Variants in OVCH1 observed in about 807,000 individuals in gnomAD.
The protein encoded by OVCH1 is ovochymase 1, also known as ovochymase-1.
OVCH1 carries 139 observed loss-of-function variants against 138.4 expected under a neutral mutation model. The observed-to-expected ratio is 1.00, with a 90% confidence interval of 0.87 to 1.16. The LOEUF (loss-of-function observed/expected upper bound fraction) is 1.16. Among genes scored for constraint, OVCH1 ranks in the 50% most tolerant of loss-of-function variants. OVCH1 has a pLI of 0.00. For synonymous variants in OVCH1, 453 were observed against 467.8 expected, an observed-to-expected ratio of 0.97 and a Z score of 0.41; for missense variants, 1,367 against 1,357.9, an observed-to-expected ratio of 1.01 and a Z score of -0.11.
chr12:29,495,484 A>G (rs1943390179), intron 3 of OVCH1, 27 bp from the exon 4 acceptor site: 3 of 1,600,894 alleles, frequency 1.9e-6, no homozygotes, highest in Non-Finnish European at 2.6e-6. Flanking sequence ...ATGTTTCATA[A>G]GTAGTTGTTT....
At chr12:29,441,400 G>A (rs1592041957) in intron 25 of OVCH1, among the ~76,000 whole-genome samples, 1 of 152,148 alleles carries the variant, frequency 6.6e-6, no homozygotes, top group African/African-American at 2.4e-5. Context: ...ATGGTGCTGG[G>A]AAAACTGGCT....
chr12:29,443,710 G>T (rs1445713692), intron 24 of OVCH1, among the ~76,000 whole-genome samples: 1 of 151,922 alleles, frequency 6.6e-6, no homozygotes, highest in East Asian at 1.9e-4. Context: ...AATTTATAAA[G>T]TTCATACATT....
intron 26 of OVCH1, among the ~76,000 whole-genome samples, chr12:29,438,767 A>G (rs867042972): frequency 6.6e-6 from 1 of 152,304 alleles, no homozygotes. Flanking sequence ...TAAGATTACA[A>G]TTGCTATATA....
intron 19 of OVCH1, among the ~76,000 whole-genome samples, chr12:29,460,831 C>G (rs11610542): frequency 0.041 from 6,186 of 152,094 alleles, 164 homozygotes; most frequent in East Asian, 0.07. Flanking sequence ...GTACCAGAAT[C>G]CTTATCTCAG....
chr12:29,410,782 A>T (rs1940944262), downstream of OVCH1, among the ~76,000 whole-genome samples: 1 of 151,252 alleles, frequency 6.6e-6, no homozygotes, highest in African/African-American at 2.4e-5. Context: ...TCTGACAATT[A>T]TGTTTCTTGG....
rs148450751 is a variant in OVCH1, at chr12:29,496,220, C to T, written c.242G>A (p.Arg81Gln). ...CAGGCAGTGTGCTGCTGTAACAACC[C>T]GATCTTCTTGAATCAAGCTTCCTCC... Residue 81 changes from arginine to glutamine, a missense_variant, in exon 3 of 28, where the codon CGG becomes CAG. Physicochemically the swap from Arg to Gln is conservative, Grantham distance 43. Coordinates refer to ENST00000318184, the Ensembl canonical transcript of OVCH1. 25 of 1,609,540 alleles carry T rather than the reference C, an allele frequency of 1.6e-5. No homozygotes were observed. In the Admixed American group the frequency reaches 2.0e-4, roughly 13 times the overall value.
At chr12:29,479,998 A>AT (rs1435885961) in intron 8 of OVCH1, among the ~76,000 whole-genome samples, 1 of 151,352 alleles carries the variant, frequency 6.6e-6, no homozygotes, top group African/African-American at 2.4e-5. Flanking sequence ...TAACTTATGT[A>AT]TTTTTAGTAG....
downstream of OVCH1, among the ~76,000 whole-genome samples, chr12:29,409,276 G>A (rs192055054): frequency 1.3e-5 from 2 of 151,984 alleles, no homozygotes; most frequent in African/African-American, 2.4e-5. Flanking sequence ...ATTCATTAAT[G>A]TTTTGAAGGG....
At chr12:29,426,546 A>C (rs776853910), downstream of OVCH1, among the ~76,000 whole-genome samples, 7 of 152,320 alleles carry the variant, frequency 4.6e-5, no homozygotes, top group East Asian at 1.2e-3. Context: ...ATATCAGAGC[A>C]ATGTTTTTAG....
intron 8 of OVCH1, among the ~76,000 whole-genome samples, chr12:29,485,961 A>G (rs1264337336): frequency 1.0e-5 from 1 of 95,478 alleles, no homozygotes; most frequent in Non-Finnish European, 2.1e-5. Context: ...AATAAAATAA[A>G]ATAAAATAAA....
intron 3 of OVCH1, among the ~76,000 whole-genome samples, chr12:29,420,539 C>A (rs1429935908): frequency 1.6e-4 from 1 of 6,258 alleles, no homozygotes; most frequent in East Asian, 2.6e-3. Flanking sequence ...GAGACGGAGT[C>A]TCGCTCTGTC....
At chr12:29,423,756 A>C (rs1238036406), downstream of OVCH1, among the ~76,000 whole-genome samples, 1 of 152,214 alleles carries the variant, frequency 6.6e-6, no homozygotes, top group Non-Finnish European at 1.5e-5. Context: ...AACACTATTG[A>C]TTTGTCTTCA....
chr12:29,485,630 C>T lies in OVCH1; in HGVS notation c.995+616G>A, dbSNP rs565766361. 2.5e-4 allele frequency among the ~76,000 whole-genome samples: 38 copies of T among 151,994 alleles called. No homozygotes were observed. The East Asian group carries it at 5.5e-3, about 22-fold the overall frequency. ...TCTACTAAAAATGCAAAAAATTAGC[C>T]GGGCGTGGTGGCATGTGCCTGCCTG... On this transcript the variant is annotated intron_variant, in intron 8 of 27. Coordinates refer to ENST00000318184, the Ensembl canonical transcript of OVCH1.
At chr12:29,480,244 C>T (rs1345990729) in intron 8 of OVCH1, among the ~76,000 whole-genome samples, 2 of 152,162 alleles carry the variant, frequency 1.3e-5, no homozygotes, top group Non-Finnish European at 2.9e-5. Context: ...CACTCCACAT[C>T]CATCATCCTT....
the OVCH1 span, among the ~76,000 whole-genome samples, chr12:29,402,784 G>A: frequency 0.013 from 1,942 of 152,120 alleles, 17 homozygotes; most frequent in Non-Finnish European, 0.02. Flanking sequence ...GAGAGATGGG[G>A]TTAGGGAGGG....
intron 22 of OVCH1, among the ~76,000 whole-genome samples, chr12:29,450,842 A>G (rs2135942088): frequency 6.6e-6 from 1 of 152,264 alleles, no homozygotes; most frequent in Non-Finnish European, 1.5e-5. Context: ...AGCCATAAAA[A>G]AGGATAAGTT....
In OVCH1 at chr12:29,495,451, C is replaced by T. The variant is rs73280520; in HGVS notation, c.288G>A (p.Gln96=). 1,058 of 1,612,274 alleles carry T rather than the reference C, an allele frequency of 6.6e-4. 3 individuals carry two copies. The African/African-American group carries it at 0.011, about 17-fold the overall frequency. ...CAGAAGTCACAGTTATATTCTTCAG[C>T]TGCTTCCTAAAACCAAAGAAAAATG... Residue 96 remains glutamine (Q), a synonymous_variant, in exon 4 of 28, where the codon CAG becomes CAA. Transcript: ENST00000318184.
chr12:29,422,396 G>A (rs1255508865), intron 3 of OVCH1, among the ~76,000 whole-genome samples: 3 of 152,120 alleles, frequency 2.0e-5, no homozygotes, highest in Non-Finnish European at 4.4e-5. Flanking sequence ...TCATTCCCCT[G>A]TCTTAAAAAA....
At chr12:29,411,334 C>T (rs1438888581), downstream of OVCH1, among the ~76,000 whole-genome samples, 2 of 151,030 alleles carry the variant, frequency 1.3e-5, no homozygotes, top group Admixed American at 6.7e-5. Flanking sequence ...AGCTTCGTTC[C>T]ATTGCTGGTG....
Sources: gnomAD v4.1 joint callset for allele counts (sites outside exome capture counted in the v4.1 genomes callset) on GRCh38, gnomAD v4.1.1 for gene constraint, MANE v1.5 for transcripts, NCBI Gene and HGNC (gene_info 2026-07-23, HGNC 2026-07-21) for gene names.